The following PEX14 variants were observed in gnomAD, a reference collection of about 807,000 sequenced individuals.
PEX14 encodes peroxisomal biogenesis factor 14.
PEX14 carries 15 observed loss-of-function variants against 49.5 expected under a neutral mutation model. The ratio of observed to expected loss-of-function variants is 0.30; its 90% CI spans 0.20 to 0.47. The LOEUF (loss-of-function observed/expected upper bound fraction) is 0.47, where lower values mean the gene tolerates loss of function less well. Ranked by LOEUF, PEX14 falls within the 20% of genes least tolerant of loss-of-function variation. The probability of loss-of-function intolerance (pLI) is 1.00; values close to 1 mark genes in which losing one functional copy is unlikely to be tolerated. For missense variants in PEX14, 398 were observed against 494.8 expected (o/e 0.80, Z 1.86); for synonymous variants, 210 against 212.7 (o/e 0.99, Z 0.11).
intron 3 of PEX14, among the ~76,000 whole-genome samples, chr1:10,554,777 G>A (rs946106759): frequency 6.6e-6 from 1 of 151,584 alleles, no homozygotes; most frequent in African/African-American, 2.4e-5. Context: ...ACAGTGGCGC[G>A]ATCTTGGCTC....
chr1:10,612,622 A>G (rs927589224), intron 4 of PEX14, among the ~76,000 whole-genome samples: 3 of 152,096 alleles, frequency 2.0e-5, no homozygotes, highest in African/African-American at 7.2e-5. Context: ...CTTTCTGCCC[A>G]CTGCCAGCCA....
At chr1:10,483,894 A>G (rs1331987222) in intron 1 of PEX14, among the ~76,000 whole-genome samples, 1 of 149,648 alleles carries the variant, frequency 6.7e-6, no homozygotes, top group East Asian at 2.0e-4. Flanking sequence ...CTATTACTAT[A>G]GAGTATATTT....
chr1:10,568,279 G>A (rs1053510919), intron 3 of PEX14, among the ~76,000 whole-genome samples: 2 of 145,928 alleles, frequency 1.4e-5, no homozygotes, highest in Non-Finnish European at 3.0e-5. Context: ...AAAAGATGAT[G>A]TCAGCTTTGG....
intron 3 of PEX14, among the ~76,000 whole-genome samples, chr1:10,594,476 C>T (rs1447733503): frequency 1.2e-4 from 18 of 152,240 alleles, no homozygotes; most frequent in African/African-American, 2.4e-4. Flanking sequence ...GCCCTGTTCC[C>T]GTGATCCCAG....
chr1:10,490,456 C>T (rs547739629), intron 1 of PEX14, among the ~76,000 whole-genome samples: 70 of 152,294 alleles, frequency 4.6e-4, no homozygotes, highest in African/African-American at 1.6e-3. Context: ...GGAACGCCTT[C>T]CAGTTGGGGA....
At chr1:10,596,004 A>G (rs1640823313) in intron 3 of PEX14, among the ~76,000 whole-genome samples, 1 of 152,176 alleles carries the variant, frequency 6.6e-6, no homozygotes, top group Non-Finnish European at 1.5e-5. Flanking sequence ...TTGTCTTGGC[A>G]GTAGTGGGAA....
chr1:10,531,536 C>T (rs900791552), intron 2 of PEX14, among the ~76,000 whole-genome samples: 1 of 152,094 alleles, frequency 6.6e-6, no homozygotes, highest in African/African-American at 2.4e-5. Flanking sequence ...GAGCAGCGCA[C>T]GTGGAGCAGT....
chr1:10,589,450 T>G (rs12087384), intron 3 of PEX14, among the ~76,000 whole-genome samples: 3 of 152,058 alleles, frequency 2.0e-5, no homozygotes, highest in African/African-American at 7.2e-5. Flanking sequence ...GAATTCAGAG[T>G]GTAAGTTGAA....
chr1:10,527,638 G>C (rs1407885937), intron 2 of PEX14, among the ~76,000 whole-genome samples: 1 of 151,318 alleles, frequency 6.6e-6, no homozygotes, highest in African/African-American at 2.4e-5. Flanking sequence ...TTTTCTTATG[G>C]GGTGTTTGGT....
chr1:10,523,746 C>G lies in PEX14; in HGVS notation c.85-12467C>G, dbSNP rs527665014. Among the ~76,000 whole-genome samples, 9 of 150,780 alleles carry G rather than the reference C, an allele frequency of 6.0e-5. No homozygotes were observed. In the South Asian group the frequency reaches 1.7e-3, roughly 28 times the overall value. On this transcript the variant is annotated intron_variant, in intron 2 of 8. Transcript: ENST00000356607. Reference sequence around the variant, plus strand: ...GTGGCAGCGTTTGGCTGTGTTTGCACTCAAGACTATTATCGATATTCTAGG... The same window carrying G: ...GTGGCAGCGTTTGGCTGTGTTTGCAGTCAAGACTATTATCGATATTCTAGG...
At chr1:10,532,135 A>G (rs1638667763) in intron 2 of PEX14, among the ~76,000 whole-genome samples, 1 of 152,198 alleles carries the variant, frequency 6.6e-6, no homozygotes, top group Non-Finnish European at 1.5e-5. Context: ...TTGGCCAGTC[A>G]TCTTAGATCT....
At chr1:10,619,417 A>C (rs1641528575) in intron 5 of PEX14, among the ~76,000 whole-genome samples, 1 of 151,696 alleles carries the variant, frequency 6.6e-6, no homozygotes, top group African/African-American at 2.4e-5. Context: ...CCTGAGTTCA[A>C]GCAATTCTCC....
At chr1:10,603,880 C>A (rs1174731392) in intron 4 of PEX14, among the ~76,000 whole-genome samples, 1 of 152,202 alleles carries the variant, frequency 6.6e-6, no homozygotes, top group Non-Finnish European at 1.5e-5. Flanking sequence ...TCAGTTGCTT[C>A]TTCTCAAAAT....
chr1:10,620,214 C>A (rs528387898), intron 5 of PEX14, among the ~76,000 whole-genome samples: 1 of 152,078 alleles, frequency 6.6e-6, no homozygotes, highest in Non-Finnish European at 1.5e-5. Flanking sequence ...CTTTGGGAGG[C>A]CAGGGCAGGC....
chr1:10,532,096 C>A (rs868312290), intron 2 of PEX14, among the ~76,000 whole-genome samples: 23 of 152,100 alleles, frequency 1.5e-4, no homozygotes, highest in African/African-American at 5.3e-4. Context: ...GTTACAAATC[C>A]TGCTCTCTCA....
chr1:10,573,298 CT>C (rs1385029060), intron 3 of PEX14, among the ~76,000 whole-genome samples: 1 of 152,092 alleles, frequency 6.6e-6, no homozygotes, highest in Non-Finnish European at 1.5e-5. Context: ...AGTGTACAGG[CT>C]TTTTGAAAGT....
In PEX14 at chr1:10,495,135, C is replaced by A. The variant is rs1641535798; in HGVS notation, c.37-139C>A. 6.5e-7 allele frequency: 1 copy of A among 1,548,396 alleles called. No homozygotes were observed. Among genetic ancestry groups the A allele is most frequent in the African/African-American group, 1.4e-5 (1 of 73,662 alleles). On this transcript the variant is annotated intron_variant, in intron 1 of 8. Transcript: ENST00000356607. The surrounding 1 kb of genome is among the most constrained non-coding windows in gnomAD (Gnocchi z 4.2). ...TTTACAGGTAGTCCACTGCAAAATA[C>A]TCTTGTGTCGTGAAAAACCAGTGAG...
At chr1:10,614,573 T>A (rs1315941687) in intron 4 of PEX14, among the ~76,000 whole-genome samples, 1 of 152,156 alleles carries the variant, frequency 6.6e-6, no homozygotes, top group African/African-American at 2.4e-5. Context: ...GCTGTCCTTC[T>A]CATGGCGGGA....
chr1:10,572,725 A>G (rs551031258), intron 3 of PEX14, among the ~76,000 whole-genome samples: 12 of 151,530 alleles, frequency 7.9e-5, no homozygotes, highest in African/African-American at 2.2e-4. Flanking sequence ...TTTAGTACAG[A>G]TGGGGTTTCA....
Sources: gnomAD v4.1 joint callset for allele counts (sites outside exome capture counted in the v4.1 genomes callset) on GRCh38, gnomAD v4.1.1 for gene constraint, Gnocchi (gnomAD v3.1) non-coding constraint, MANE v1.5 for transcripts, NCBI Gene and HGNC (gene_info 2026-07-23, HGNC 2026-07-21) for gene names.